Variants in VIPAS39 observed in about 807,000 individuals in gnomAD.
The protein encoded by VIPAS39 is spermatogenesis-defective protein 39 homolog.
VIPAS39 carries 63 observed loss-of-function variants against 84.7 expected under a neutral mutation model. That is an observed-to-expected ratio of 0.74 (90% CI 0.61 to 0.92). The LOEUF (loss-of-function observed/expected upper bound fraction) is 0.92. VIPAS39 is among the 40% of genes least tolerant of loss of function. The pLI is 0.00. For synonymous variants in VIPAS39, 192 were observed against 216.5 expected, an observed-to-expected ratio of 0.89 and a Z score of 0.99; for missense variants, 499 against 604.5, an observed-to-expected ratio of 0.83 and a Z score of 1.83.
Position 77,457,482 on chromosome 14 carries a change from G to A in VIPAS39, c.-1+13C>T, listed in dbSNP as rs117264193. 21,553 of 1,321,788 alleles carry A rather than the reference G, an allele frequency of 0.016. 197 individuals are homozygous for A. The highest frequency in any genetic ancestry group is 0.02 in the Non-Finnish European group (18,933 of 956,040). 81.9% of individuals were successfully genotyped at this position (1,321,788 alleles called of 1,614,324 possible). ...GCCAGATACGCGACCCAAGGGGCTT[G>A]GGACACCCTCACCTCTTCCGCACAG... is the stretch of plus-strand genomic sequence containing the variant. On this transcript the variant is annotated intron_variant, in intron 1 of 19. Transcript: ENST00000557658.
chr14:77,449,099 A>G (rs1759711743), intron 6 of VIPAS39, among the ~76,000 whole-genome samples, 194 bp downstream of exon 6: 1 of 152,216 alleles, frequency 6.6e-6, no homozygotes, highest in Non-Finnish European at 1.5e-5. Context: ...TATAGAGATT[A>G]TAAGTCTAAG....
chr14:77,437,716 C>T lies in VIPAS39; in HGVS notation c.836+92G>A, dbSNP rs2078635851. The T allele has an allele frequency of 5.2e-6, 7 of 1,355,206 alleles. No individual in the cohort carries two copies. In the South Asian group the frequency reaches 7.1e-5, roughly 14 times the overall value. The allele number at this position is 1,355,206 out of a possible 1,614,324, so 83.9% of individuals were successfully genotyped here. On this transcript the variant is annotated intron_variant, in intron 12 of 19. Transcript: ENST00000557658. ...GGTATGATTCATTGTTAGCCCTCCC[C>T]TTCCTGCCTATCCATTCCACCCTTT...
chr14:77,454,344 G>A (rs567450495), intron 1 of VIPAS39, among the ~76,000 whole-genome samples: 9 of 152,260 alleles, frequency 5.9e-5, no homozygotes, highest in African/African-American at 1.7e-4. Flanking sequence ...CATCCACTTT[G>A]TCCAGGGCAC....
intron 1 of VIPAS39, among the ~76,000 whole-genome samples, chr14:77,456,672 A>C (rs2078965662): frequency 6.6e-6 from 1 of 152,232 alleles, no homozygotes; most frequent in African/African-American, 2.4e-5. Flanking sequence ...AAAACTAGAG[A>C]TCATTCCTTC....
chr14:77,457,017 T>C, intron 1 of VIPAS39: 1 of 1,265,854 alleles, frequency 7.9e-7, no homozygotes, highest in East Asian at 3.5e-5. Context: ...GAACAGGAAC[T>C]TTACAAAGGA....
rs1230468986 is a variant in VIPAS39 at position 77,428,414 on chromosome 14, C to T, written c.1417G>A (p.Gly473Arg). ...LLAYRSKVDKGSAEEEKIDAL... is the reference protein window; with the variant it reads ...LLAYRSKVDKRSAEEEKIDAL... The stretch of plus-strand genomic sequence containing the variant: ...TCAATCTTCTCCTCCTCTGCTGATC[C>T]TTTATCTACCTTACTCCTGTATGCT... Residue 473 changes from glycine (G) to arginine (R), a missense_variant, in exon 19 of 20, where the codon GGA becomes AGA. By Grantham distance (125) the Gly-to-Arg change is moderately radical (BLOSUM62 -2). Coordinates refer to ENST00000557658, the MANE Select transcript of VIPAS39 (RefSeq NM_001193315.2). The T allele has an allele frequency of 1.9e-6, 3 of 1,613,996 alleles. No individual in the cohort carries two copies. Among genetic ancestry groups the T allele is most frequent in the Non-Finnish European group, 2.5e-6 (3 of 1,180,016 alleles).
At chr14:77,457,448 C>G in intron 1 of VIPAS39, 47 bp downstream of exon 1, 2 of 1,515,164 alleles carry the variant, frequency 1.3e-6, no homozygotes, top group South Asian at 2.4e-5. Context: ...TGCGGAGAGG[C>G]TGGATCCAGC....
intron 16 of VIPAS39, among the ~76,000 whole-genome samples, chr14:77,431,536 G>T (rs2078522468): frequency 6.6e-6 from 1 of 152,214 alleles, no homozygotes; most frequent in East Asian, 1.9e-4. Context: ...GTTAGCAAGG[G>T]TGTGGGGAAA....
At chr14:77,453,465 A>G (rs956140471) in intron 2 of VIPAS39, 64 bp from the exon 3 acceptor site, 21 of 1,504,690 alleles carry the variant, frequency 1.4e-5, no homozygotes, top group Non-Finnish European at 1.9e-5. Flanking sequence ...TCTTCTGACA[A>G]TCAAGAAGGC....
At chr14:77,438,804 T>C (rs906321143) in intron 11 of VIPAS39, among the ~76,000 whole-genome samples, 1 of 152,184 alleles carries the variant, frequency 6.6e-6, no homozygotes, top group Non-Finnish European at 1.5e-5. Flanking sequence ...GTAATATAAA[T>C]AGGGCATGTC....
rs1028480701 is a variant in VIPAS39, at chr14:77,453,899, T to G, written c.93+111A>C. Reference sequence around the variant, plus strand: ...TTTTACAATCCTTCTGGCTCTTTTCTGAGCCTAATGAAGACATACATGGTC... The same window carrying G: ...TTTTACAATCCTTCTGGCTCTTTTCGGAGCCTAATGAAGACATACATGGTC... On this transcript the variant is annotated intron_variant, in intron 2 of 19. Coordinates refer to ENST00000557658, the MANE Select transcript of VIPAS39 (RefSeq NM_001193315.2). 4 of 981,382 alleles carry G rather than the reference T, an allele frequency of 4.1e-6. No homozygotes were observed. In the African/African-American group the frequency reaches 6.4e-5, roughly 16 times the overall value. The allele number at this position is 981,382 out of a possible 1,614,324, so 60.8% of individuals were successfully genotyped here.
rs1040824897 is a variant in VIPAS39 at position 77,435,117 on chromosome 14, G to A, written c.1047+142C>T. The A allele has an allele frequency of 2.9e-5, 39 of 1,335,904 alleles. No individual in the cohort carries two copies. The Middle Eastern group carries it at 9.9e-4, about 34-fold the overall frequency. The allele number at this position is 1,335,904 out of a possible 1,614,324, so 82.8% of individuals were successfully genotyped here. The stretch of plus-strand genomic sequence containing the variant: ...GGCCAGATGAGGCCCTCTTACCCCT[G>A]GTGAGGGCCAGGAAAGCTTCCAGGT... On this transcript the variant is annotated intron_variant, in intron 14 of 19. Transcript: ENST00000557658.
chr14:77,435,805 T>G (rs988339738), intron 13 of VIPAS39, 39 bp downstream of exon 13: 2 of 1,606,724 alleles, frequency 1.2e-6, no homozygotes, highest in African/African-American at 2.7e-5. Flanking sequence ...CACTGAGCCT[T>G]GGCACTGAAG....
At chr14:77,448,382 C>T (rs1220109596) in intron 7 of VIPAS39, 112 bp downstream of exon 7, 12 of 1,111,100 alleles carry the variant, frequency 1.1e-5, no homozygotes, top group Non-Finnish European at 1.7e-5. Context: ...GATTTATTTT[C>T]CCCCTGAAAT....
chr14:77,429,076 T>A lies in VIPAS39; in HGVS notation c.1286A>T (p.Asn429Ile). Residue 429 changes from asparagine (N) to isoleucine (I), a missense_variant, in exon 18 of 20, where the codon AAT (asparagine) becomes ATT (isoleucine). Asn to Ile is a moderately radical substitution (Grantham distance 149, BLOSUM62 -3). Transcript: ENST00000557658. ...CTTCGTGTCCACATCTTCCACCAGA[T>A]TGACATACTCCTGTAATATCTGTGG... is the stretch of plus-strand genomic sequence containing the variant. ...APVQILQEYV[N>I]LVEDVDTKLN... The A allele has an allele frequency of 6.2e-7, 1 of 1,613,958 alleles. No individual in the cohort carries two copies. Among genetic ancestry groups the A allele is most frequent in the Non-Finnish European group, 8.5e-7 (1 of 1,179,882 alleles).
chr14:77,433,266 T>C (rs2078552184), intron 16 of VIPAS39, among the ~76,000 whole-genome samples: 1 of 152,148 alleles, frequency 6.6e-6, no homozygotes, highest in South Asian at 2.1e-4. Flanking sequence ...AATGGTGCAA[T>C]CTTGGCTCAC....
At chr14:77,434,325 A>C (rs1180412804) in intron 14 of VIPAS39, 22 bp from the exon 15 acceptor site, 1 of 1,613,376 alleles carries the variant, frequency 6.2e-7, no homozygotes, top group Non-Finnish European at 8.5e-7. Flanking sequence ...GTGAAAAAGG[A>C]ACTTTAGTGA....
Position 77,429,787 on chromosome 14 carries a change from T to C in VIPAS39, c.1180-20A>G. 2 of 1,607,422 alleles carry C rather than the reference T, an allele frequency of 1.2e-6. No individual in the cohort carries two copies. ...CCAGTTCTGAAAGAGGAAGATGGGG[T>C]AGCGGCAGGTAGGCCAGGCACACTC... On this transcript the variant is annotated intron_variant, in intron 16 of 19. Transcript: ENST00000557658.
chr14:77,453,373 C>G lies in VIPAS39; in HGVS notation c.122G>C (p.Ser41Thr). 5 of 1,614,128 alleles carry G rather than the reference C, an allele frequency of 3.1e-6. No homozygotes were observed. Among genetic ancestry groups the G allele is most frequent in the Non-Finnish European group, 4.2e-6 (5 of 1,180,020 alleles). ...QLKESKRAVNSLRDFVDDDDD... is the reference protein window; with the variant it reads ...QLKESKRAVNTLRDFVDDDDD... The stretch of plus-strand genomic sequence containing the variant: ...ATCATCATCCACGAAGTCTCGGAGG[C>G]TGTTCACCGCCCGCTTGGACTCCTT... Residue 41 changes from serine (S) to threonine (T), a missense_variant, in exon 3 of 20, where the codon AGC becomes ACC. Coordinates refer to ENST00000557658, the MANE Select transcript of VIPAS39 (RefSeq NM_001193315.2).
Sources: allele counts gnomAD v4.1 joint callset (sites outside exome capture counted in the v4.1 genomes callset), GRCh38; gene constraint gnomAD v4.1.1; transcripts MANE v1.5; gene names NCBI Gene and HGNC (gene_info 2026-07-23, HGNC 2026-07-21).